RGS6: variants seen among roughly 807,000 people sequenced by gnomAD.
The protein encoded by RGS6 is regulator of G-protein signaling 6.
Under a neutral mutation model 78.5 loss-of-function variants are expected in RGS6, and 30 were observed. The ratio of observed to expected loss-of-function variants is 0.38; its 90% confidence interval spans 0.29 to 0.52. RGS6 has a LOEUF of 0.52. Ranked by LOEUF, RGS6 falls within the 20% of genes least tolerant of loss-of-function variation. The pLI is 0.85. For missense variants in RGS6, 495 were observed against 609.7 expected (o/e 0.81, Z 1.98); for synonymous variants, 206 against 206.0 (o/e 1.00, Z 0.00).
intron 2 of RGS6, among the ~76,000 whole-genome samples, chr14:71,990,046 G>A (rs1490874812): frequency 1.3e-5 from 2 of 152,146 alleles, no homozygotes; most frequent in Admixed American, 6.5e-5. Context: ...GCATCAACAT[G>A]TCAGAGAAGG....
chr14:72,412,412 A>G (rs561609769), intron 3 of RGS6, among the ~76,000 whole-genome samples: 2 of 152,190 alleles, frequency 1.3e-5, no homozygotes, highest in Admixed American at 1.3e-4. Flanking sequence ...CAGTGGTGAT[A>G]TCCCCTTTGT....
chr14:72,232,931 C>A (rs918619121), intron 2 of RGS6, among the ~76,000 whole-genome samples: 1 of 152,252 alleles, frequency 6.6e-6, no homozygotes, highest in East Asian at 1.9e-4. Flanking sequence ...CCTGGGGCAC[C>A]AAGCAGAGCA....
At chr14:72,194,998 A>G (rs1338604797) in intron 2 of RGS6, among the ~76,000 whole-genome samples, 1 of 152,066 alleles carries the variant, frequency 6.6e-6, no homozygotes, top group Admixed American at 6.5e-5. Context: ...GCTTGAGGTC[A>G]GGAGTTCAAG....
intron 3 of RGS6, among the ~76,000 whole-genome samples, chr14:72,409,644 T>C (rs932640289): frequency 6.6e-6 from 1 of 152,152 alleles, no homozygotes; most frequent in African/African-American, 2.4e-5. Context: ...TACATGGCCA[T>C]GTTGGTGTGC....
intron 2 of RGS6, among the ~76,000 whole-genome samples, chr14:72,225,061 A>C (rs35154615): frequency 0.015 from 2,235 of 152,328 alleles, 22 homozygotes; most frequent in South Asian, 0.033. Flanking sequence ...TCACTCATCA[A>C]GGCCTGATGC....
rs377621190 is a variant in RGS6 at position 72,540,280 on chromosome 14, T to A, written c.1422+186T>A. 3.3e-4 allele frequency: 496 copies of A among 1,523,174 alleles called. 2 individuals carry two copies. The highest frequency in any genetic ancestry group is 1.4e-3 in the Middle Eastern group (8 of 5,572). 94.4% of individuals were successfully genotyped at this position (1,523,174 alleles called of 1,614,324 possible). A position where few individuals can be genotyped will look rare whatever the true frequency, so the allele number is the denominator to read the frequency against. ...GCAGCTTCTCTTCTAGGGATGAAAA[T>A]GCAAAAAAGAGCAAGCGGCTCCCTC... is the stretch of plus-strand genomic sequence containing the variant. On this transcript the variant is annotated intron_variant, in intron 17 of 17. Transcript: ENST00000553525.
chr14:72,437,370 A>G (rs1207995512), intron 3 of RGS6, among the ~76,000 whole-genome samples: 8 of 151,354 alleles, frequency 5.3e-5, no homozygotes, highest in East Asian at 1.9e-4. Flanking sequence ...AAAGGAAAAA[A>G]AAAATCACAA....
chr14:72,082,536 T>A (rs973495066), intron 2 of RGS6, among the ~76,000 whole-genome samples: 7 of 152,154 alleles, frequency 4.6e-5, no homozygotes, highest in African/African-American at 1.7e-4. Context: ...TAGATGATAG[T>A]TTAATGATAA....
intron 2 of RGS6, among the ~76,000 whole-genome samples, chr14:72,230,447 G>A (rs2049259110): frequency 6.6e-6 from 1 of 152,154 alleles, no homozygotes; most frequent in Admixed American, 6.5e-5. Context: ...CTAGTTGAGG[G>A]TTTGAAGGAT....
At chr14:72,328,812 A>G (rs1449877786) in intron 2 of RGS6, among the ~76,000 whole-genome samples, 1 of 152,214 alleles carries the variant, frequency 6.6e-6, no homozygotes, top group Non-Finnish European at 1.5e-5. Context: ...TAAAAATCTT[A>G]CTGAGAAAAA....
chr14:72,588,968 ACACTTCTAC>A, the RGS6 span, among the ~76,000 whole-genome samples: 1 of 152,252 alleles, frequency 6.6e-6, no homozygotes, highest in South Asian at 2.1e-4. Flanking sequence ...CCAACACCAA[ACACTTCTAC>A]CTGCTGCAGC....
chr14:72,420,850 A>G (rs2094136232), intron 3 of RGS6: 1 of 152,246 alleles, frequency 6.6e-6, no homozygotes, highest in African/African-American at 2.4e-5. Flanking sequence ...ATCAAAAATC[A>G]ATATCACATT....
chr14:71,872,797 C>T, the RGS6 span, among the ~76,000 whole-genome samples: 1 of 152,118 alleles, frequency 6.6e-6, no homozygotes, highest in African/African-American at 2.4e-5. Flanking sequence ...TCTCCCATTC[C>T]CCATCCCACG....
intron 2 of RGS6, among the ~76,000 whole-genome samples, chr14:72,147,017 C>T (rs928269808): frequency 6.6e-6 from 1 of 152,196 alleles, no homozygotes; most frequent in African/African-American, 2.4e-5. Flanking sequence ...ATACACTGTT[C>T]CTCAGATCCA....
intron 2 of RGS6, among the ~76,000 whole-genome samples, chr14:72,266,480 A>T (rs2059089716): frequency 6.6e-6 from 1 of 152,150 alleles, no homozygotes; most frequent in South Asian, 2.1e-4. Flanking sequence ...GTCTGCCACC[A>T]CTATTAATCT....
intron 2 of RGS6, among the ~76,000 whole-genome samples, chr14:72,122,191 G>A (rs1159853320): frequency 6.6e-6 from 1 of 152,098 alleles, no homozygotes; most frequent in East Asian, 1.9e-4. Flanking sequence ...TTCCACTCTT[G>A]ATTCTCTAAG....
chr14:72,289,464 G>T (rs1031708140), intron 2 of RGS6, among the ~76,000 whole-genome samples: 6 of 151,908 alleles, frequency 3.9e-5, no homozygotes, highest in Admixed American at 1.3e-4. Context: ...ACAGAATCAC[G>T]AAAGCCACGC....
intron 2 of RGS6, among the ~76,000 whole-genome samples, chr14:72,251,665 T>A (rs2153837387): frequency 6.6e-6 from 1 of 152,206 alleles, no homozygotes; most frequent in East Asian, 1.9e-4. Context: ...GTTGAAAATA[T>A]GTGGACATAA....
chr14:72,394,433 G>A (rs866327248), intron 3 of RGS6, among the ~76,000 whole-genome samples: 4 of 152,152 alleles, frequency 2.6e-5, no homozygotes, highest in South Asian at 2.1e-4. Flanking sequence ...TTTCAGGCAC[G>A]CTTTGTCATT....
Sources: gnomAD v4.1 joint callset for allele counts (sites outside exome capture counted in the v4.1 genomes callset) on GRCh38, gnomAD v4.1.1 for gene constraint, MANE v1.5 for transcripts, NCBI Gene and HGNC (gene_info 2026-07-23, HGNC 2026-07-21) for gene names.